BNC2: variants seen among roughly 807,000 people sequenced by gnomAD.
BNC2 encodes basonuclin zinc finger protein 2.
Under a neutral mutation model 76.3 loss-of-function variants are expected in BNC2, and 20 were observed. The ratio of observed to expected loss-of-function variants is 0.26; its 90% confidence interval spans 0.18 to 0.38. BNC2 has a LOEUF of 0.38. BNC2 is among the 10% of genes least tolerant of loss of function. BNC2 has a pLI of 1.00. For synonymous variants in BNC2, 582 were observed against 514.8 expected (o/e 1.13, Z -1.77); for missense variants, 1,382 against 1,399.8 (o/e 0.99, Z 0.20).
intron 1 of BNC2, among the ~76,000 whole-genome samples, chr9:16,751,380 T>A (rs1825189660): frequency 6.6e-6 from 1 of 151,864 alleles, no homozygotes; most frequent in Non-Finnish European, 1.5e-5. Flanking sequence ...GTTACATGCT[T>A]TCAAGGAAAA....
Position 16,435,412 on chromosome 9 carries a change from C to A in BNC2, c.2639+143G>T, listed in dbSNP as rs200395805. ...AACAATCCTTCATGAGCATGGCAGC[C>A]TAGTTATCACATGATCACTGTGGAC... On this transcript the variant is annotated intron_variant, in intron 6 of 6. Coordinates refer to ENST00000380672, the MANE Select transcript of BNC2 (RefSeq NM_017637.6). The A allele has an allele frequency of 9.1e-6, 9 of 992,592 alleles. No homozygotes were observed. The East Asian group carries it at 2.2e-4, about 24-fold the overall frequency. The allele number at this position is 992,592 out of a possible 1,614,324, so 61.5% of individuals were successfully genotyped here.
At chr9:16,839,475 G>C (rs1367951780) in intron 1 of BNC2, among the ~76,000 whole-genome samples, 1 of 152,152 alleles carries the variant, frequency 6.6e-6, no homozygotes, top group Non-Finnish European at 1.5e-5. Context: ...ATTAAGCAAT[G>C]ATAAACATTT....
intron 1 of BNC2, among the ~76,000 whole-genome samples, chr9:16,854,589 A>T (rs1019110687): frequency 6.6e-6 from 1 of 151,986 alleles, no homozygotes; most frequent in African/African-American, 2.4e-5. Flanking sequence ...ATTTCCACTT[A>T]TCCGTATACA....
At chr9:16,810,989 CG>C (rs1818033952) in intron 1 of BNC2, among the ~76,000 whole-genome samples, 1 of 151,948 alleles carries the variant, frequency 6.6e-6, no homozygotes. Flanking sequence ...GAGGCTGAGG[CG>C]GGCAGATCTC....
intron 1 of BNC2, among the ~76,000 whole-genome samples, chr9:16,795,161 A>G (rs10962598): frequency 0.18 from 27,400 of 152,086 alleles, 3,453 homozygotes; most frequent in East Asian, 0.45. Context: ...TGAAAACAGG[A>G]ACACTGCCTG....
rs913845971 is a variant in BNC2, at chr9:16,690,330, T to C, written c.330+37467A>G. ...AGAAAAGTAATAATGAAAGAAAAAT[T>C]AGCTGGGTGTGGTGACATGTGCCTG... On this transcript the variant is annotated intron_variant, in intron 3 of 6. Coordinates refer to ENST00000380672, the MANE Select transcript of BNC2 (RefSeq NM_017637.6). 2.0e-5 allele frequency among the ~76,000 whole-genome samples: 3 copies of C among 151,874 alleles called. No homozygotes were observed. The South Asian group carries it at 6.2e-4, about 32-fold the overall frequency.
intron 6 of BNC2, among the ~76,000 whole-genome samples, chr9:16,421,677 T>C (rs1160568581): frequency 6.6e-6 from 1 of 152,206 alleles, no homozygotes; most frequent in Non-Finnish European, 1.5e-5. Flanking sequence ...TGGTGTCAGA[T>C]GGCAGATGAC....
At chr9:16,830,910 C>T (rs1401910445) in intron 1 of BNC2, among the ~76,000 whole-genome samples, 1 of 152,194 alleles carries the variant, frequency 6.6e-6, no homozygotes, top group Non-Finnish European at 1.5e-5. Context: ...GAAAGAATAG[C>T]AAGGGTGAAT....
At chr9:16,537,699 T>C (rs1381273458) in intron 5 of BNC2, among the ~76,000 whole-genome samples, 1 of 152,230 alleles carries the variant, frequency 6.6e-6, no homozygotes, top group African/African-American at 2.4e-5. Context: ...GCAACCAGAC[T>C]CATAGCAAGG....
chr9:16,844,620 T>C (rs1314642778), intron 1 of BNC2, among the ~76,000 whole-genome samples: 1 of 148,048 alleles, frequency 6.8e-6, no homozygotes, highest in African/African-American at 2.5e-5. Flanking sequence ...TGCCTCAGCC[T>C]CCCGAGTAGC....
At chr9:16,662,285 T>G (rs995688084) in intron 3 of BNC2, among the ~76,000 whole-genome samples, 1 of 152,166 alleles carries the variant, frequency 6.6e-6, no homozygotes, top group East Asian at 1.9e-4. Context: ...AACAAACCTA[T>G]GAAGTGTACA....
intron 1 of BNC2, among the ~76,000 whole-genome samples, chr9:16,765,842 A>G (rs978550691): frequency 2.1e-4 from 32 of 149,416 alleles, no homozygotes; most frequent in Admixed American, 1.3e-3. Context: ...GCTGGAGTGC[A>G]GTGGCACGAT....
intron 5 of BNC2, among the ~76,000 whole-genome samples, chr9:16,491,628 A>G (rs946415480): frequency 3.3e-5 from 5 of 152,198 alleles, no homozygotes; most frequent in Non-Finnish European, 7.3e-5. Flanking sequence ...GGGCCATATT[A>G]CAATGAAAGA....
chr9:16,501,927 G>A (rs1427821286), intron 5 of BNC2, among the ~76,000 whole-genome samples: 2 of 152,122 alleles, frequency 1.3e-5, no homozygotes, highest in African/African-American at 4.8e-5. Context: ...CTAAGCCTGG[G>A]GAATACCAAG....
chr9:16,557,728 T>C (rs1254523369), intron 4 of BNC2, among the ~76,000 whole-genome samples: 1 of 151,994 alleles, frequency 6.6e-6, no homozygotes, highest in Non-Finnish European at 1.5e-5. Context: ...CTATAGTGAG[T>C]TGATACCAAT....
At chr9:16,760,368 G>C (rs1213200554) in intron 1 of BNC2, among the ~76,000 whole-genome samples, 1 of 152,154 alleles carries the variant, frequency 6.6e-6, no homozygotes, top group African/African-American at 2.4e-5. Context: ...ATTTTCAATA[G>C]GGGTGAAAAA....
intron 3 of BNC2, among the ~76,000 whole-genome samples, chr9:16,584,002 C>G (rs924938253): frequency 2.0e-5 from 3 of 152,190 alleles, no homozygotes; most frequent in Admixed American, 2.0e-4. Flanking sequence ...AGTGCTAAAG[C>G]TGACCTAAGC....
intron 1 of BNC2, among the ~76,000 whole-genome samples, chr9:16,759,403 G>GA (rs2135366472): frequency 6.6e-6 from 1 of 152,158 alleles, no homozygotes; most frequent in East Asian, 1.9e-4. Context: ...TCAGGAGGAG[G>GA]AAAACCACCA....
chr9:16,797,879 C>G (rs1369537509), intron 1 of BNC2, among the ~76,000 whole-genome samples: 1 of 152,036 alleles, frequency 6.6e-6, no homozygotes, highest in Non-Finnish European at 1.5e-5. Context: ...GAGAAGACTG[C>G]CTTCAGAAGG....
Sources: gnomAD v4.1 joint callset for allele counts (sites outside exome capture counted in the v4.1 genomes callset) on GRCh38, gnomAD v4.1.1 for gene constraint, MANE v1.5 for transcripts, NCBI Gene and HGNC (gene_info 2026-07-23, HGNC 2026-07-21) for gene names.